The following MIPEP variants were observed in gnomAD, a reference collection of about 807,000 sequenced individuals.
MIPEP encodes the protein mitochondrial intermediate peptidase.
MIPEP carries 79 observed loss-of-function variants against 90.3 expected under a neutral mutation model. That is an observed-to-expected ratio of 0.87 (90% CI 0.73 to 1.05). MIPEP has a LOEUF of 1.05. MIPEP is among the 50% of genes least tolerant of loss of function. The pLI is 0.00. For synonymous variants in MIPEP, 334 were observed against 315.8 expected (o/e 1.06, Z -0.61); for missense variants, 940 against 905.6 (o/e 1.04, Z -0.49).
intron 16 of MIPEP, among the ~76,000 whole-genome samples, chr13:23,761,311 T>G (rs1036336591): frequency 1.3e-5 from 2 of 152,142 alleles, no homozygotes; most frequent in Non-Finnish European, 2.9e-5. Context: ...TTCATCACTT[T>G]GGGATTCACT....
At chr13:23,741,941 A>G (rs1401485820) in intron 18 of MIPEP, among the ~76,000 whole-genome samples, 3 of 152,220 alleles carry the variant, frequency 2.0e-5, no homozygotes, top group Non-Finnish European at 4.4e-5. Flanking sequence ...TTTAAGGCCT[A>G]TAAGTATCAG....
chr13:23,741,399 C>G (rs953030484), intron 18 of MIPEP, among the ~76,000 whole-genome samples: 1 of 152,092 alleles, frequency 6.6e-6, no homozygotes, highest in Non-Finnish European at 1.5e-5. Flanking sequence ...CTATTCCCAA[C>G]AGCAAAGACA....
At chr13:23,784,333 A>G (rs1952812589) in intron 16 of MIPEP, among the ~76,000 whole-genome samples, 2 of 152,144 alleles carry the variant, frequency 1.3e-5, no homozygotes, top group African/African-American at 2.4e-5. Flanking sequence ...AAATAACACC[A>G]CACATCTATG....
intron 14 of MIPEP, among the ~76,000 whole-genome samples, chr13:23,815,582 T>C (rs1953223834): frequency 6.6e-6 from 1 of 152,248 alleles, no homozygotes; most frequent in Non-Finnish European, 1.5e-5. Flanking sequence ...CTGCTGGGAT[T>C]ACAGGCGTGA....
chr13:23,731,046 C>T (rs1437054129), intron 18 of MIPEP, among the ~76,000 whole-genome samples: 2 of 152,118 alleles, frequency 1.3e-5, no homozygotes, highest in Non-Finnish European at 2.9e-5. Flanking sequence ...GTAGTAGAAG[C>T]AATGAAGCAC....
In MIPEP at chr13:23,836,331, T is replaced by A. The variant is rs775153024; in HGVS notation, c.1562A>T (p.Asp521Val). 3.2e-6 allele frequency: 5 copies of A among 1,587,288 alleles called. No individual in the cohort carries two copies. In the South Asian group the frequency reaches 5.9e-5, roughly 19 times the overall value. ...QHVTGTRCPT[D>V]FAEVPSILME... ...CAGAATAGAAGGAACCTCAGCAAAA[T>A]CAGTAGGGCACCTGGTCCCTAAAAC... The change falls in exon 14 of 19, where the codon GAT becomes GTT. Residue 521 changes from aspartate to valine, a missense_variant. Physicochemically the swap from Asp to Val is radical, Grantham distance 152. Coordinates refer to ENST00000382172, the MANE Select transcript of MIPEP (RefSeq NM_005932.4).
rs1164999787 is a variant in MIPEP, at chr13:23,837,697, T to G, written c.1398A>C (p.Pro466=). The change falls in exon 13 of 19, where the codon CCA becomes CCC. Residue 466 remains proline (P), a synonymous_variant. Transcript: ENST00000382172. ...GAAGATTCAGCATAAGAACTACAAC[T>G]GGGAGTTGATAGTCTCCATCTTCCT... ...RLKEDGDYQL[P]VVVLMLNLPR... is the part of the protein sequence containing the mutation. The G allele has an allele frequency of 6.2e-7, 1 of 1,613,980 alleles. No homozygotes were observed. The highest frequency in any genetic ancestry group is 8.5e-7 in the Non-Finnish European group (1 of 1,179,920).
chr13:23,790,007 G>A (rs997559896), intron 16 of MIPEP, among the ~76,000 whole-genome samples: 1 of 152,118 alleles, frequency 6.6e-6, no homozygotes, highest in African/African-American at 2.4e-5. Context: ...TTCTTTGAAG[G>A]TTCCTTTCAC....
intron 14 of MIPEP, among the ~76,000 whole-genome samples, chr13:23,829,179 T>C (rs1868615972): frequency 6.6e-6 from 1 of 152,158 alleles, no homozygotes; most frequent in Non-Finnish European, 1.5e-5. Context: ...TCCAACTTGA[T>C]TAAAAATTGA....
rs1565984249 is a variant in MIPEP at position 23,760,234 on chromosome 13, GA to G, written c.1849-18del. On this transcript the variant is annotated intron_variant, in intron 16 of 18. Transcript: ENST00000382172. The stretch of plus-strand genomic sequence containing the variant: ...CTGCCAGGCCTGCCAAGAACAGAGA[GA>G]CACAGCACGGGACACAAGTCAGTTT... 5 of 1,613,800 alleles carry G rather than the reference GA, an allele frequency of 3.1e-6. No homozygotes were observed. In the South Asian group the frequency reaches 5.5e-5, roughly 18 times the overall value.
chr13:23,829,319 A>G lies in MIPEP; in HGVS notation c.1653+6921T>C, dbSNP rs551131959. 6.1e-3 allele frequency among the ~76,000 whole-genome samples: 935 copies of G among 152,332 alleles called. 14 individuals carry two copies. Among genetic ancestry groups the G allele is most frequent in the African/African-American group, 0.02 (831 of 41,580 alleles). ...TGCTTGAGGCCAGGAGTTTGAGACC[A>G]GCCTGGGAAACACAGTGAAATCCTG... On this transcript the variant is annotated intron_variant, in intron 14 of 18. Transcript: ENST00000382172.
At chr13:23,889,098 G>C in intron 1 of MIPEP, 34 bp downstream of exon 1, 8 of 1,381,396 alleles carry the variant, frequency 5.8e-6, no homozygotes, top group South Asian at 3.3e-5. Context: ...GGCTTAGCTC[G>C]GGGACTGAGG....
At chr13:23,741,189 A>G (rs922325385) in intron 18 of MIPEP, among the ~76,000 whole-genome samples, 1 of 152,240 alleles carries the variant, frequency 6.6e-6, no homozygotes, top group African/African-American at 2.4e-5. Context: ...GTGAGGTTGT[A>G]GAGAAAAAGG....
chr13:23,730,784 T>C (rs1952196175), intron 18 of MIPEP, among the ~76,000 whole-genome samples: 1 of 152,240 alleles, frequency 6.6e-6, no homozygotes, highest in Admixed American at 6.5e-5. Context: ...TTGACTGGGA[T>C]GATTCACAAT....
chr13:23,749,847 C>T (rs1049778657), intron 18 of MIPEP, among the ~76,000 whole-genome samples: 2 of 152,160 alleles, frequency 1.3e-5, no homozygotes, highest in South Asian at 2.1e-4. Context: ...TCAGAATAAA[C>T]ACCAACTCTC....
chr13:23,730,293 T>G lies in MIPEP; in HGVS notation c.*55A>C. The G allele has an allele frequency of 3.4e-6, 4 of 1,178,310 alleles. No homozygotes were observed. The highest frequency in any genetic ancestry group is 2.5e-6 in the Non-Finnish European group (2 of 799,250). The allele number at this position is 1,178,310 out of a possible 1,614,324, so 73.0% of individuals were successfully genotyped here. Reference sequence around the variant, plus strand: ...AACAAGCTCTCACAGCTGTAGCATTTATAACAAAGTCATTATCTACATGAC... The same window carrying G: ...AACAAGCTCTCACAGCTGTAGCATTGATAACAAAGTCATTATCTACATGAC... On this transcript the variant is annotated 3_prime_UTR_variant, in exon 19 of 19. Transcript: ENST00000382172.
intron 18 of MIPEP, among the ~76,000 whole-genome samples, chr13:23,739,294 C>A (rs1046458168): frequency 9.9e-5 from 15 of 152,200 alleles, no homozygotes; most frequent in Non-Finnish European, 1.6e-4. Flanking sequence ...TGGGGCTCTG[C>A]ACTTGCTCAA....
chr13:23,881,406 T>C (rs765859345), intron 3 of MIPEP, among the ~76,000 whole-genome samples: 1 of 152,224 alleles, frequency 6.6e-6, no homozygotes, highest in African/African-American at 2.4e-5. Context: ...CACCTTTACA[T>C]TGATCTCATT....
At chr13:23,878,822 C>T (rs540295435) in intron 4 of MIPEP, among the ~76,000 whole-genome samples, 3 of 152,270 alleles carry the variant, frequency 2.0e-5, no homozygotes, top group African/African-American at 7.2e-5. Context: ...CTGATAGTAT[C>T]AATTATGGAA....
Sources: gnomAD v4.1 joint callset for allele counts (sites outside exome capture counted in the v4.1 genomes callset) on GRCh38, gnomAD v4.1.1 for gene constraint, MANE v1.5 for transcripts, NCBI Gene and HGNC (gene_info 2026-07-23, HGNC 2026-07-21) for gene names.